Variants in FAM168B observed in about 807,000 individuals in gnomAD.
FAM168B encodes family with sequence similarity 168 member B.
FAM168B carries 19 observed loss-of-function variants against 21.8 expected under a neutral mutation model. That is an observed-to-expected ratio of 0.87 (90% CI 0.61 to 1.28). The LOEUF (loss-of-function observed/expected upper bound fraction) is 1.28, where lower values mean the gene tolerates loss of function less well. Ranked by LOEUF, FAM168B falls within the 50% of genes most tolerant of loss-of-function variation. The pLI, the probability that FAM168B is intolerant of heterozygous loss-of-function variation, is 0.00. For missense variants in FAM168B, 233 were observed against 263.1 expected (o/e 0.89, Z 0.79); for synonymous variants, 126 against 104.8 (o/e 1.20, Z -1.24).
intron 3 of FAM168B, among the ~76,000 whole-genome samples, chr2:131,068,448 A>AC (rs761378645): frequency 3.9e-4 from 60 of 152,124 alleles, no homozygotes; most frequent in Non-Finnish European, 3.4e-4. Flanking sequence ...AATGAAAACC[A>AC]CCGTGCCCGG....
At position 131,048,059 on chromosome 2, in the gene FAM168B, G is replaced by T; in HGVS notation, c.*4406C>A. 1.8e-6 allele frequency: 1 copy of T among 549,308 alleles called. No individual in the cohort carries two copies. Among genetic ancestry groups the T allele is most frequent in the Non-Finnish European group, 2.6e-6 (1 of 377,814 alleles). 34.0% of individuals were successfully genotyped at this position (549,308 alleles called of 1,614,324 possible). ...GGATGGAAATTCCATTCCTTGGCAT[G>T]GATACGTAAGTTCAATGCAGAGGTG... On this transcript the variant is annotated 3_prime_UTR_variant, in exon 7 of 7. Coordinates refer to ENST00000389915, the MANE Select transcript of FAM168B (RefSeq NM_001009993.4).
At chr2:131,080,844 T>C (rs983181852) in intron 2 of FAM168B, among the ~76,000 whole-genome samples, 1 of 151,572 alleles carries the variant, frequency 6.6e-6, no homozygotes, top group African/African-American at 2.4e-5. Context: ...TAATTTTTTT[T>C]TGTATTTTTA....
intron 1 of FAM168B, among the ~76,000 whole-genome samples, chr2:131,092,089 A>T (rs1694062213): frequency 1.3e-5 from 2 of 151,402 alleles, no homozygotes; most frequent in East Asian, 3.9e-4. Flanking sequence ...GCTTGCAGTG[A>T]GCCGAGATGG....
intron 2 of FAM168B, among the ~76,000 whole-genome samples, chr2:131,079,803 C>T (rs927072613): frequency 6.6e-6 from 1 of 152,044 alleles, no homozygotes; most frequent in African/African-American, 2.4e-5. Context: ...ACAAAATTCA[C>T]TAACAGACTT....
chr2:131,073,498 A>G (rs1209431892), intron 2 of FAM168B, among the ~76,000 whole-genome samples: 1 of 152,186 alleles, frequency 6.6e-6, no homozygotes, highest in Non-Finnish European at 1.5e-5. Context: ...AACAGCACTG[A>G]GAGGTGGGAC....
In FAM168B at chr2:131,049,442, CAT is replaced by C; in HGVS notation, c.*3021_*3022del. On this transcript the variant is annotated 3_prime_UTR_variant, in exon 7 of 7. Transcript: ENST00000389915. The stretch of plus-strand genomic sequence containing the variant: ...TTCTTAACAGATGGCTCACGAGAGA[CAT>C]AAAAGGTTCTGGAAGTGCCTTCAGG... 4 of 985,402 alleles carry C rather than the reference CAT, an allele frequency of 4.1e-6. No homozygotes were observed. The highest frequency in any genetic ancestry group is 4.8e-6 in the Non-Finnish European group (4 of 829,936). The allele number at this position is 985,402 out of a possible 1,614,324, so 61.0% of individuals were successfully genotyped here.
chr2:131,067,968 G>A (rs1042702204), intron 3 of FAM168B, among the ~76,000 whole-genome samples: 4 of 152,030 alleles, frequency 2.6e-5, no homozygotes, highest in Admixed American at 2.6e-4. Context: ...AAAATCCCTT[G>A]AACTCAGCAG....
chr2:131,062,767 C>G (rs1388162329), intron 3 of FAM168B, among the ~76,000 whole-genome samples: 2 of 152,200 alleles, frequency 1.3e-5, no homozygotes, highest in East Asian at 3.8e-4. Context: ...TGTCTTACAA[C>G]ACCTACTTTA....
Position 131,055,750 on chromosome 2 carries a change from A to T in FAM168B, c.155-55T>A. ...CACCCAAGCCGGTCCAGGCGCAGGG[A>T]GAGGACACAGGCAGGGAGGAGCTAA... On this transcript the variant is annotated intron_variant, in intron 3 of 6. Coordinates refer to ENST00000389915, the MANE Select transcript of FAM168B (RefSeq NM_001009993.4). 1.9e-6 allele frequency: 3 copies of T among 1,587,034 alleles called. No homozygotes were observed. In the South Asian group the frequency reaches 3.4e-5, roughly 18 times the overall value.
chr2:131,085,318 G>A (rs1020462278), intron 1 of FAM168B, among the ~76,000 whole-genome samples: 1 of 152,106 alleles, frequency 6.6e-6, no homozygotes, highest in Non-Finnish European at 1.5e-5. Context: ...AACACAAAAT[G>A]TGCATTTTAT....
intron 1 of FAM168B, among the ~76,000 whole-genome samples, chr2:131,085,907 A>G (rs1435536854): frequency 6.6e-6 from 1 of 152,238 alleles, no homozygotes; most frequent in East Asian, 1.9e-4. Context: ...AGGCTAAATG[A>G]GGCTACTGTG....
chr2:131,061,113 A>C (rs1265251174), intron 3 of FAM168B, among the ~76,000 whole-genome samples: 1 of 147,864 alleles, frequency 6.8e-6, no homozygotes, highest in Non-Finnish European at 1.5e-5. Context: ...GGCCTCCCAA[A>C]GTGCTGGGAT....
chr2:131,052,974 G>A lies in FAM168B; in HGVS notation c.517C>T (p.His173Tyr). ...CGGTACGTGGGCACAGTGACCGGGTGGGGGGCGACAGGAGTTGGGGAGTGA... is the reference window on the plus strand; with the variant it reads ...CGGTACGTGGGCACAGTGACCGGGTAGGGGGCGACAGGAGTTGGGGAGTGA... ...TAHSPTPVAP[H>Y]PVTVPTYRAP... The change falls in exon 6 of 7, where the codon CAC becomes TAC. Residue 173 changes from histidine to tyrosine, a missense_variant. By Grantham distance (83) the His-to-Tyr change is moderately conservative. Coordinates refer to ENST00000389915, the MANE Select transcript of FAM168B (RefSeq NM_001009993.4). The A allele has an allele frequency of 1.9e-6, 3 of 1,559,694 alleles. No individual in the cohort carries two copies. Among genetic ancestry groups the A allele is most frequent in the Admixed American group, 1.9e-5 (1 of 51,458 alleles).
intron 4 of FAM168B, 27 bp downstream of exon 4, chr2:131,055,526 C>T: frequency 1.3e-6 from 2 of 1,598,642 alleles, no homozygotes; most frequent in Non-Finnish European, 1.7e-6. Flanking sequence ...CACCCCTTCC[C>T]ACACAGCAGT....
rs142875866 is a variant in FAM168B, at chr2:131,088,020, C to T, written c.-12+5194G>A. Reference sequence around the variant, plus strand: ...CAGCACTTTGGGAGGCCGATGAGGGCGGATCACTTGAGACCACGCGTTCGA... The same window carrying T: ...CAGCACTTTGGGAGGCCGATGAGGGTGGATCACTTGAGACCACGCGTTCGA... On this transcript the variant is annotated intron_variant, in intron 1 of 6. Transcript: ENST00000389915. 6.0e-3 allele frequency among the ~76,000 whole-genome samples: 908 copies of T among 152,136 alleles called. 10 individuals carry two copies. The highest frequency in any genetic ancestry group is 0.02 in the African/African-American group (838 of 41,514).
chr2:131,050,637 T>G lies in FAM168B; in HGVS notation c.*1828A>C. The G allele has an allele frequency of 1.0e-6, 1 of 985,318 alleles. No individual in the cohort carries two copies. The highest frequency in any genetic ancestry group is 1.2e-6 in the Non-Finnish European group (1 of 829,626). 61.0% of individuals were successfully genotyped at this position (985,318 alleles called of 1,614,324 possible). A position where few individuals can be genotyped will look rare whatever the true frequency, so the allele number is the denominator to read the frequency against. ...CCATGCAAAAATATTCCTAAACTTCTTATAAAATAAGATGTGAAAAAGAAA... is the reference window on the plus strand; with the variant it reads ...CCATGCAAAAATATTCCTAAACTTCGTATAAAATAAGATGTGAAAAAGAAA... On this transcript the variant is annotated 3_prime_UTR_variant, in exon 7 of 7. Transcript: ENST00000389915.
chr2:131,078,227 T>G lies in FAM168B; in HGVS notation c.70+4350A>C, dbSNP rs908800872. Among the ~76,000 whole-genome samples the G allele has an allele frequency of 3.9e-5, 6 of 152,160 alleles. No homozygotes were observed. In the East Asian group the frequency reaches 1.2e-3, roughly 29 times the overall value. ...GCACAGGTGATCCAGAGACTGCAGT[T>G]AGCAAACAGTTTTTAAAATAACTCA... On this transcript the variant is annotated intron_variant, in intron 2 of 6. Transcript: ENST00000389915.
At chr2:131,084,147 A>G (rs189021261) in intron 1 of FAM168B, among the ~76,000 whole-genome samples, 322 of 150,982 alleles carry the variant, frequency 2.1e-3, no homozygotes, top group Non-Finnish European at 3.7e-3. Context: ...TGATCCGCCC[A>G]CCTCAGCCTC....
At chr2:131,065,626 C>T (rs1217424618) in intron 3 of FAM168B, among the ~76,000 whole-genome samples, 1 of 151,814 alleles carries the variant, frequency 6.6e-6, no homozygotes, top group African/African-American at 2.4e-5. Context: ...CCCGTCTCTA[C>T]TAACAATACA....
Sources: gnomAD v4.1 joint callset for allele counts (sites outside exome capture counted in the v4.1 genomes callset) on GRCh38, gnomAD v4.1.1 for gene constraint, MANE v1.5 for transcripts, NCBI Gene and HGNC (gene_info 2026-07-23, HGNC 2026-07-21) for gene names.